TSHZ3: variants seen among roughly 807,000 people sequenced by gnomAD.
TSHZ3 encodes teashirt homolog 3.
A neutral mutation model predicts 64.5 loss-of-function variants in TSHZ3; 10 were observed. That is an observed-to-expected ratio of 0.16 (90% CI 0.10 to 0.26). The LOEUF (loss-of-function observed/expected upper bound fraction) is 0.26, where lower values mean the gene tolerates loss of function less well. Ranked by LOEUF, TSHZ3 falls within the 10% of genes least tolerant of loss-of-function variation. The probability of loss-of-function intolerance (pLI) is 1.00; values close to 1 mark genes in which losing one functional copy is unlikely to be tolerated. For synonymous variants in TSHZ3, 608 were observed against 593.1 expected, an observed-to-expected ratio of 1.03 and a Z score of -0.36; for missense variants, 1,242 against 1,421.7, an observed-to-expected ratio of 0.87 and a Z score of 2.03.
At chr19:31,283,980 C>T (rs561795969) in intron 1 of TSHZ3, among the ~76,000 whole-genome samples, 2 of 152,160 alleles carry the variant, frequency 1.3e-5, no homozygotes, top group South Asian at 2.1e-4. Context: ...CTTCAGTAGC[C>T]CAGGGGTAGG....
At chr19:31,282,596 G>A (rs1360946353) in intron 1 of TSHZ3, among the ~76,000 whole-genome samples, 10 of 152,092 alleles carry the variant, frequency 6.6e-5, no homozygotes, top group African/African-American at 1.4e-4. Flanking sequence ...CAGGCCGTCC[G>A]GAGCACCCCT....
At chr19:31,191,307 T>C (rs929151257) in intron 5 of TSHZ3, among the ~76,000 whole-genome samples, 2 of 152,154 alleles carry the variant, frequency 1.3e-5, no homozygotes, top group African/African-American at 2.4e-5. Flanking sequence ...ATAAAAATCA[T>C]TTAACATACA....
rs749170838 is a variant in TSHZ3 at position 31,276,240 on chromosome 19, C to T, written c.*307G>A. 1.7e-5 allele frequency: 4 copies of T among 239,362 alleles called. No individual in the cohort carries two copies. The highest frequency in any genetic ancestry group is 3.2e-5 in the Non-Finnish European group (4 of 124,944). 14.8% of individuals were successfully genotyped at this position (239,362 alleles called of 1,614,324 possible). On this transcript the variant is annotated 3_prime_UTR_variant, in exon 2 of 2. Transcript: ENST00000240587. ...GGTGTGCCTGATTCCGTTATAAATG[C>T]TTAATTAAACTGTCTGTTAATGCAT...
intron 1 of TSHZ3, among the ~76,000 whole-genome samples, chr19:31,248,044 A>T (rs1975781536): frequency 6.6e-6 from 1 of 152,168 alleles, no homozygotes; most frequent in Non-Finnish European, 1.5e-5. Context: ...AGGTAAGAGA[A>T]AATGAGAGCC....
chr19:31,329,917 C>T (rs1441465389), intron 1 of TSHZ3, among the ~76,000 whole-genome samples: 5 of 152,038 alleles, frequency 3.3e-5, no homozygotes, highest in Admixed American at 3.3e-4. Flanking sequence ...TTTTTCCACA[C>T]CAAGTATGAA....
At chr19:31,189,386 C>T (rs941761120) in intron 5 of TSHZ3, among the ~76,000 whole-genome samples, 3 of 151,754 alleles carry the variant, frequency 2.0e-5, no homozygotes, top group Non-Finnish European at 2.9e-5. Flanking sequence ...AATACATTTT[C>T]CTCTAAGCAT....
At chr19:31,230,267 G>C (rs1016484533) in intron 3 of TSHZ3, among the ~76,000 whole-genome samples, 7 of 151,902 alleles carry the variant, frequency 4.6e-5, no homozygotes, top group African/African-American at 1.5e-4. Context: ...AGTTAAATGG[G>C]GAAAAAAGTT....
chr19:31,174,292 A>T (rs1351105251), intron 5 of TSHZ3, among the ~76,000 whole-genome samples: 2 of 152,166 alleles, frequency 1.3e-5, no homozygotes. Flanking sequence ...CTCAAGTCCA[A>T]AGACAGGAAA....
At chr19:31,348,926 C>T in intron 1 of TSHZ3, 3 of 463,728 alleles carry the variant, frequency 6.5e-6, no homozygotes, top group Non-Finnish European at 1.1e-5. Flanking sequence ...AGGTAGGGAC[C>T]TGGCGCGGCT....
intron 5 of TSHZ3, among the ~76,000 whole-genome samples, chr19:31,201,231 C>A (rs1005413325): frequency 9.9e-5 from 15 of 152,184 alleles, no homozygotes; most frequent in African/African-American, 3.4e-4. Flanking sequence ...TTAAATTATT[C>A]TCTCACCCTG....
chr19:31,311,291 G>C (rs748122306), intron 1 of TSHZ3, among the ~76,000 whole-genome samples: 1 of 152,198 alleles, frequency 6.6e-6, no homozygotes, highest in African/African-American at 2.4e-5. Context: ...TTATTCATCA[G>C]CACTTCCCCT....
At chr19:31,216,338 T>A (rs1371322907) in intron 4 of TSHZ3, among the ~76,000 whole-genome samples, 2 of 152,076 alleles carry the variant, frequency 1.3e-5, no homozygotes, top group Non-Finnish European at 2.9e-5. Flanking sequence ...AAGACAGCAC[T>A]TTGCTGCAAA....
intron 1 of TSHZ3, among the ~76,000 whole-genome samples, chr19:31,284,224 G>C (rs1317756042): frequency 6.6e-6 from 1 of 151,990 alleles, no homozygotes; most frequent in Non-Finnish European, 1.5e-5. Context: ...GTCATGTCCA[G>C]GAGCAAGGAG....
chr19:31,156,963 C>T (rs566943441), intron 5 of TSHZ3, among the ~76,000 whole-genome samples: 1 of 152,260 alleles, frequency 6.6e-6, no homozygotes, highest in Admixed American at 6.5e-5. Context: ...AGGAGTCCCT[C>T]ATGCAGCAGC....
At chr19:31,269,239 G>T (rs1976099746) in intron 1 of TSHZ3, among the ~76,000 whole-genome samples, 1 of 152,012 alleles carries the variant, frequency 6.6e-6, no homozygotes, top group Non-Finnish European at 1.5e-5. Flanking sequence ...AAATTAAATC[G>T]ACATCCAAAC....
intron 5 of TSHZ3, among the ~76,000 whole-genome samples, chr19:31,196,204 G>A (rs1163360913): frequency 6.6e-6 from 1 of 151,898 alleles, no homozygotes; most frequent in African/African-American, 2.4e-5. Flanking sequence ...CCATGAAGCA[G>A]TATAGCAGTA....
At chr19:31,205,822 T>C (rs1455786286) in intron 4 of TSHZ3, among the ~76,000 whole-genome samples, 1 of 152,208 alleles carries the variant, frequency 6.6e-6, no homozygotes, top group Non-Finnish European at 1.5e-5. Flanking sequence ...TTTCCAAAAA[T>C]GTTTCTGAAT....
intron 1 of TSHZ3, among the ~76,000 whole-genome samples, chr19:31,263,918 A>G (rs1415728183): frequency 6.6e-6 from 1 of 152,216 alleles, no homozygotes; most frequent in African/African-American, 2.4e-5. Flanking sequence ...TAGCAGAAAC[A>G]GTGGGGGAGG....
Position 31,203,731 on chromosome 19 carries a change from C to A in TSHZ3, n.809+1225G>T, listed in dbSNP as rs1012942071. Among the ~76,000 whole-genome samples, 15 of 152,072 alleles carry A rather than the reference C, an allele frequency of 9.9e-5. No homozygotes were observed. The East Asian group carries it at 1.4e-3, about 14-fold the overall frequency. ...GGGAAACGATGGGTGGTAAGGCAGG[C>A]TTTAGGTACATCTTCCTTCCTTCTG... On this transcript the variant is annotated intron_variant and non_coding_transcript_variant, in intron 5 of 6. Coordinates refer to the TSHZ3 transcript ENST00000651361.
Sources: allele counts gnomAD v4.1 joint callset (sites outside exome capture counted in the v4.1 genomes callset), GRCh38; gene constraint gnomAD v4.1.1; transcripts MANE v1.5; gene names NCBI Gene and HGNC (gene_info 2026-07-23, HGNC 2026-07-21).